Variants in EMC3 observed in about 807,000 individuals in gnomAD.
EMC3 encodes the protein ER membrane protein complex subunit 3, also known as 30 kDa protein.
EMC3 carries 13 observed loss-of-function variants against 36.6 expected under a neutral mutation model. The observed-to-expected ratio is 0.35, with a 90% confidence interval of 0.23 to 0.56. The LOEUF (loss-of-function observed/expected upper bound fraction) is 0.56. Among genes scored for constraint, EMC3 ranks in the 20% least tolerant of loss-of-function variants. The pLI, the probability that EMC3 is intolerant of heterozygous loss-of-function variation, is 0.84. For synonymous variants in EMC3, 120 were observed against 111.9 expected, an observed-to-expected ratio of 1.07 and a Z score of -0.46; for missense variants, 220 against 324.5, an observed-to-expected ratio of 0.68 and a Z score of 2.47.
chr3:9,986,726 T>C lies in EMC3; in HGVS notation c.-65A>G. 6.3e-7 allele frequency: 1 copy of C among 1,593,982 alleles called. No homozygotes were observed. Among genetic ancestry groups the C allele is most frequent in the East Asian group, 2.2e-5 (1 of 44,648 alleles). On this transcript the variant is annotated 5_prime_UTR_variant, in exon 1 of 8. Coordinates refer to ENST00000245046, the MANE Select transcript of EMC3 (RefSeq NM_001394674.1). The stretch of plus-strand genomic sequence containing the variant: ...TTCTCTTCTCCGGGGCACAGTTGCT[T>C]CTCTTCGGCTTCGCCTCCGGGCCTT...
intron 1 of EMC3, chr3:10,006,848 C>T (rs1051234000): frequency 5.2e-5 from 22 of 423,180 alleles, no homozygotes; most frequent in Admixed American, 3.1e-4. Flanking sequence ...AACATTGAAA[C>T]CTGACAGTGG....
intron 1 of EMC3, chr3:10,002,763 A>G: frequency 2.2e-6 from 1 of 452,412 alleles, no homozygotes; most frequent in Non-Finnish European, 4.5e-6. Flanking sequence ...GGATACACCC[A>G]GAAATGTCCC....
At position 9,974,567 on chromosome 3, in the gene EMC3, G is replaced by GC. The variant is rs1553602846; in HGVS notation, c.308-80_308-79insG. 3 of 969,296 alleles carry GC rather than the reference G, an allele frequency of 3.1e-6. No individual in the cohort carries two copies. The East Asian group carries it at 7.6e-5, about 25-fold the overall frequency. 60.0% of individuals were successfully genotyped at this position (969,296 alleles called of 1,614,324 possible). On this transcript the variant is annotated intron_variant, in intron 3 of 7. Coordinates refer to ENST00000245046, the MANE Select transcript of EMC3 (RefSeq NM_001394674.1). ...ACTTTCTCCTGATTTTCTGTAAACT[G>GC]TTTTTTTTTGAGACGGAGTCCCGCT...
chr3:9,983,050 G>A lies in EMC3; in HGVS notation c.155+3457C>T, dbSNP rs528684205. ...TATAATCCAACTACCTCACTTAAGG[G>A]ATGCAGCAATTATGAGCAGAGACAT... On this transcript the variant is annotated intron_variant, in intron 1 of 7. Coordinates refer to ENST00000245046, the MANE Select transcript of EMC3 (RefSeq NM_001394674.1). Among the ~76,000 whole-genome samples the A allele has an allele frequency of 4.6e-5, 7 of 152,182 alleles. No homozygotes were observed. The South Asian group carries it at 1.0e-3, about 23-fold the overall frequency.
intron 1 of EMC3, chr3:10,008,378 CAG>C (rs1376346712): frequency 7.3e-7 from 1 of 1,365,904 alleles, no homozygotes; most frequent in Non-Finnish European, 9.8e-7. Flanking sequence ...AACCCACAAA[CAG>C]AGAAGGTCCT....
At chr3:10,010,710 A>G (rs1165677425) in intron 1 of EMC3, among the ~76,000 whole-genome samples, 1 of 152,176 alleles carries the variant, frequency 6.6e-6, no homozygotes, top group Non-Finnish European at 1.5e-5. Flanking sequence ...AGGTGCTAGG[A>G]CTGGGAGCCC....
At chr3:10,003,151 G>T (rs1409029831) in intron 1 of EMC3, 1 of 456,612 alleles carries the variant, frequency 2.2e-6, no homozygotes, top group East Asian at 6.9e-5. Flanking sequence ...ACACCCTGTG[G>T]CCTTCTCCAC....
intron 1 of EMC3, among the ~76,000 whole-genome samples, chr3:9,995,645 T>A (rs1305904084): frequency 6.6e-6 from 1 of 150,892 alleles, no homozygotes; most frequent in Non-Finnish European, 1.5e-5. Context: ...TGGGAAAGAT[T>A]CTGTTTTTTG....
At chr3:9,989,040 T>C (rs1288293866), upstream of EMC3, among the ~76,000 whole-genome samples, 2 of 152,212 alleles carry the variant, frequency 1.3e-5, no homozygotes, top group Admixed American at 1.3e-4. Context: ...AGGTCCCCAC[T>C]GATGAGATGA....
rs756743265 is a variant in EMC3, at chr3:9,964,077, T to C, written c.778A>G (p.Ile260Val). 3.1e-6 allele frequency: 5 copies of C among 1,614,110 alleles called. No individual in the cohort carries two copies. The highest frequency in any genetic ancestry group is 1.3e-5 in the African/African-American group (1 of 75,016). The change falls in exon 8 of 8, where the codon ATT becomes GTT. Residue 260 changes from isoleucine (I) to valine (V), a missense_variant. By Grantham distance (29) the Ile-to-Val change is conservative. This residue lies in a region of EMC3 where 37 missense variants were observed against 32.9 expected (regional missense o/e 1.13). Transcript: ENST00000245046. The stretch of plus-strand genomic sequence containing the variant: ...TAATCCCTGCTCGGTCTTCAAAAAA[T>C]AGAGGTCTGTAATTCCTTTTTGAAC... ...GMFKKELQTS[I>V]F
chr3:9,976,897 C>T, intron 3 of EMC3, 60 bp downstream of exon 3: 2 of 1,228,178 alleles, frequency 1.6e-6, no homozygotes, highest in Non-Finnish European at 2.3e-6. Flanking sequence ...CCTACCCCAC[C>T]CCACTCAAAT....
At chr3:9,970,488 T>G in intron 6 of EMC3, 94 bp downstream of exon 6, 1 of 1,333,942 alleles carries the variant, frequency 7.5e-7, no homozygotes, top group Non-Finnish European at 1.1e-6. Context: ...TTGACTATGG[T>G]AACAAACAGC....
chr3:9,967,417 T>C (rs1038421184), intron 7 of EMC3, among the ~76,000 whole-genome samples: 3 of 152,240 alleles, frequency 2.0e-5, no homozygotes, highest in Admixed American at 6.5e-5. Flanking sequence ...CCAGCCTCAT[T>C]CTTTTGCATG....
At chr3:10,001,451 G>A (rs1035539652) in intron 1 of EMC3, among the ~76,000 whole-genome samples, 2 of 150,644 alleles carry the variant, frequency 1.3e-5, no homozygotes, top group Non-Finnish European at 1.5e-5. Context: ...GGTGGTGGGC[G>A]CCTGTAGTCC....
At chr3:9,985,957 C>T (rs61056817) in intron 1 of EMC3, among the ~76,000 whole-genome samples, 26,059 of 152,140 alleles carry the variant, frequency 0.17, 2,342 homozygotes, top group South Asian at 0.25. Flanking sequence ...AGGAAGTTGC[C>T]TCCACTCTAG....
chr3:9,983,192 G>T (rs12632752), intron 1 of EMC3, among the ~76,000 whole-genome samples: 1 of 151,574 alleles, frequency 6.6e-6, no homozygotes, highest in African/African-American at 2.4e-5. Context: ...CTGTGGCCCA[G>T]GCTGAAGTGC....
chr3:9,990,561 G>C (rs2086037167), upstream of EMC3, among the ~76,000 whole-genome samples: 1 of 151,870 alleles, frequency 6.6e-6, no homozygotes, highest in African/African-American at 2.4e-5. Flanking sequence ...CTAGGCTATA[G>C]TGAAGTGCCA....
At chr3:9,988,273 T>C (rs1296533767), upstream of EMC3, 5 of 648,810 alleles carry the variant, frequency 7.7e-6, no homozygotes, top group Non-Finnish European at 1.4e-5. Context: ...GAGGTTGTCA[T>C]TTACTCCAGG....
chr3:10,000,751 T>A (rs757380447), intron 1 of EMC3: 3 of 476,962 alleles, frequency 6.3e-6, no homozygotes, highest in Admixed American at 2.2e-5. Flanking sequence ...CTCCAAATAC[T>A]CCACCAGTGT....
Sources: gnomAD v4.1 joint callset for allele counts (sites outside exome capture counted in the v4.1 genomes callset) on GRCh38, gnomAD v4.1.1 for gene constraint, gnomAD v4.1.1 regional missense constraint, MANE v1.5 for transcripts, NCBI Gene and HGNC (gene_info 2026-07-23, HGNC 2026-07-21) for gene names.